The following MALRD1 variants were observed in gnomAD, a reference collection of about 807,000 sequenced individuals.
The protein encoded by MALRD1 is MAM and LDL receptor class A domain containing 1, also known as MAM and LDL-receptor class A domain-containing protein 1.
In MALRD1, 247 loss-of-function variants were observed where a neutral mutation model predicts 242.1. The ratio of observed to expected loss-of-function variants is 1.02; its 90% confidence interval spans 0.92 to 1.13. The LOEUF (loss-of-function observed/expected upper bound fraction) is 1.13. Among genes scored for constraint, MALRD1 ranks in the 50% most tolerant of loss-of-function variants. MALRD1 has a pLI of 0.00. For missense variants in MALRD1, 2,989 were observed against 2,533.1 expected (o/e 1.18, Z -3.86); for synonymous variants, 995 against 866.6 (o/e 1.15, Z -2.60).
rs564188656 is a variant in MALRD1 at position 19,185,081 on chromosome 10, A to G, written c.1951+9753A>G. ...TAAAATAAATAATGCTACTTTATGT[A>G]GTGCTTTCTTTCGTTCCAAGAGATA... On this transcript the variant is annotated intron_variant, in intron 14 of 39. Coordinates refer to ENST00000454679, the MANE Select transcript of MALRD1 (RefSeq NM_001142308.3). Among the ~76,000 whole-genome samples, 8 of 152,346 alleles carry G rather than the reference A, an allele frequency of 5.3e-5. No individual in the cohort carries two copies. The East Asian group carries it at 1.5e-3, about 29-fold the overall frequency.
rs1408313092 is a variant in MALRD1 at position 19,091,720 on chromosome 10, G to A, written c.597+3535G>A. Among the ~76,000 whole-genome samples the A allele has an allele frequency of 1.5e-4, 13 of 89,082 alleles. 3 individuals are homozygous for A. The highest frequency in any genetic ancestry group is 2.6e-4 in the African/African-American group (5 of 19,454). 58.4% of individuals were successfully genotyped at this position (89,082 alleles called of 152,430 possible). A position where few individuals can be genotyped will look rare whatever the true frequency, so the allele number is the denominator to read the frequency against. On this transcript the variant is annotated intron_variant, in intron 4 of 39. Transcript: ENST00000454679. Reference sequence around the variant, plus strand: ...TGGATCTTTCCTGCTTTCTCTTGTAGGCATTTAGTGCTATAAATTTCCCTG... The same window carrying A: ...TGGATCTTTCCTGCTTTCTCTTGTAAGCATTTAGTGCTATAAATTTCCCTG...
At position 19,132,382 on chromosome 10, in the gene MALRD1, C is replaced by A. The variant is rs1004265537; in HGVS notation, c.1111-1474C>A. ...AAGCTATCAGCCGAAAATATGTCCA[C>A]CCCGTGTGCTTCACTGTCTTGTGGA... On this transcript the variant is annotated intron_variant, in intron 8 of 39. Coordinates refer to ENST00000454679, the MANE Select transcript of MALRD1 (RefSeq NM_001142308.3). Among the ~76,000 whole-genome samples the A allele has an allele frequency of 3.9e-5, 6 of 152,156 alleles. No homozygotes were observed. In the East Asian group the frequency reaches 9.6e-4, roughly 24 times the overall value.
chr10:19,688,770 C>T (rs372849625), intron 36 of MALRD1, among the ~76,000 whole-genome samples: 4 of 152,156 alleles, frequency 2.6e-5, no homozygotes, highest in South Asian at 2.1e-4. Flanking sequence ...CTGTTCTCAG[C>T]GTGCCATTAG....
intron 31 of MALRD1, among the ~76,000 whole-genome samples, chr10:19,528,589 C>G (rs1439287327): frequency 6.6e-6 from 1 of 152,002 alleles, no homozygotes; most frequent in African/African-American, 2.4e-5. Context: ...AAGACTCCGT[C>G]TCTAAATAAA....
At chr10:19,203,675 A>C (rs932102734) in intron 14 of MALRD1, 53 bp from the exon 15 acceptor site, 2 of 1,457,586 alleles carry the variant, frequency 1.4e-6, no homozygotes, top group African/African-American at 2.9e-5. Context: ...GCCTTTTCAA[A>C]GTGTGGGAGC....
chr10:19,437,803 C>G (rs1018958159), intron 28 of MALRD1, among the ~76,000 whole-genome samples: 1 of 152,106 alleles, frequency 6.6e-6, no homozygotes, highest in Non-Finnish European at 1.5e-5. Context: ...TTGAGATAAC[C>G]TCACTTATTT....
chr10:19,286,922 T>C (rs1841154688), intron 21 of MALRD1, among the ~76,000 whole-genome samples: 1 of 150,782 alleles, frequency 6.6e-6, no homozygotes, highest in Admixed American at 6.6e-5. Flanking sequence ...AAATCCTCAA[T>C]AAAATACTGG....
At chr10:19,657,672 A>C (rs1230372924) in intron 36 of MALRD1, among the ~76,000 whole-genome samples, 3 of 152,192 alleles carry the variant, frequency 2.0e-5, no homozygotes. Flanking sequence ...CATCACCTCA[A>C]GCATTTATGT....
At chr10:19,491,363 T>G in intron 29 of MALRD1, 154 bp from the exon 30 acceptor site, 1 of 882,806 alleles carries the variant, frequency 1.1e-6, no homozygotes, top group East Asian at 3.0e-5. Context: ...AAGGTGGGAC[T>G]GAGAAAGAGG....
Position 19,396,312 on chromosome 10 carries a change from T to C in MALRD1, c.4845+6703T>C, listed in dbSNP as rs535017983. On this transcript the variant is annotated intron_variant, in intron 28 of 39. Coordinates refer to ENST00000454679, the MANE Select transcript of MALRD1 (RefSeq NM_001142308.3). Reference sequence around the variant, plus strand: ...CCACCACGCCTGGCTAATTTTTGTATTTTTAGTAAAGACGGGGGTTTCACC... The same window carrying C: ...CCACCACGCCTGGCTAATTTTTGTACTTTTAGTAAAGACGGGGGTTTCACC... Among the ~76,000 whole-genome samples the C allele has an allele frequency of 2.0e-5, 3 of 152,046 alleles. No individual in the cohort carries two copies. In the East Asian group the frequency reaches 5.8e-4, roughly 30 times the overall value.
intron 14 of MALRD1, among the ~76,000 whole-genome samples, chr10:19,176,808 CTGCCTGTGTGTCTGTGTGTGTGTGCA>C (rs1050520929): frequency 1.2e-4 from 17 of 147,804 alleles, no homozygotes; most frequent in African/African-American, 3.5e-4. Context: ...GTGCGCGTGT[CTGCCTGTGTGTCTGTGTGTGTGTGCA>C]TGCCTGTGTG....
chr10:19,146,373 T>A, intron 11 of MALRD1, 29 bp downstream of exon 11: 2 of 1,200,080 alleles, frequency 1.7e-6, no homozygotes, highest in Non-Finnish European at 2.1e-6. Context: ...TAAAAAAAAA[T>A]AGTTTTCTTT....
chr10:19,718,316 C>T (rs1226847383), intron 38 of MALRD1, among the ~76,000 whole-genome samples: 1 of 152,144 alleles, frequency 6.6e-6, no homozygotes, highest in East Asian at 1.9e-4. Context: ...CTGCAAGCTG[C>T]GTAAGAAGCT....
chr10:19,416,907 G>A (rs1035441199), intron 28 of MALRD1, among the ~76,000 whole-genome samples: 5 of 152,160 alleles, frequency 3.3e-5, no homozygotes, highest in Middle Eastern at 6.8e-3. Flanking sequence ...CTAAAACTCC[G>A]TAGAATCTGC....
At chr10:19,668,011 G>A (rs770972081) in intron 36 of MALRD1, among the ~76,000 whole-genome samples, 4 of 152,014 alleles carry the variant, frequency 2.6e-5, no homozygotes, top group African/African-American at 7.2e-5. Context: ...GCAATCCTCT[G>A]GGGCCTCTTT....
At chr10:19,137,852 A>C (rs1289283475) in intron 10 of MALRD1, among the ~76,000 whole-genome samples, 1 of 152,242 alleles carries the variant, frequency 6.6e-6, no homozygotes, top group African/African-American at 2.4e-5. Context: ...TCTCTTTAGA[A>C]AACATGAATT....
chr10:19,413,224 A>C (rs1164489712), intron 28 of MALRD1, among the ~76,000 whole-genome samples: 1 of 152,134 alleles, frequency 6.6e-6, no homozygotes, highest in African/African-American at 2.4e-5. Context: ...ATAACGAAAA[A>C]CTACTAAATA....
chr10:19,445,811 A>G (rs929442598), intron 28 of MALRD1, among the ~76,000 whole-genome samples: 1 of 152,168 alleles, frequency 6.6e-6, no homozygotes, highest in African/African-American at 2.4e-5. Flanking sequence ...GAGAACCACT[A>G]CTGTCTTCAA....
chr10:19,150,356 C>T (rs1172404565), intron 11 of MALRD1, among the ~76,000 whole-genome samples: 1 of 152,066 alleles, frequency 6.6e-6, no homozygotes, highest in Non-Finnish European at 1.5e-5. Context: ...TAGTTTTCTC[C>T]AATCCATGCA....
Sources: gnomAD v4.1 joint callset for allele counts (sites outside exome capture counted in the v4.1 genomes callset) on GRCh38, gnomAD v4.1.1 for gene constraint, MANE v1.5 for transcripts, NCBI Gene and HGNC (gene_info 2026-07-23, HGNC 2026-07-21) for gene names.